The following GRM1 variants were observed in gnomAD, a reference collection of about 807,000 sequenced individuals.
GRM1 encodes metabotropic glutamate receptor 1.
A neutral mutation model predicts 90.9 loss-of-function variants in GRM1; 33 were observed. The observed-to-expected ratio is 0.36, with a 90% CI of 0.28 to 0.49. GRM1 has a LOEUF of 0.49. GRM1 is among the 20% of genes least tolerant of loss of function. The pLI is 0.99. For missense variants in GRM1, 1,190 were observed against 1,534.3 expected, an observed-to-expected ratio of 0.78 and a Z score of 3.75; for synonymous variants, 700 against 613.2, an observed-to-expected ratio of 1.14 and a Z score of -2.09.
intron 2 of GRM1, among the ~76,000 whole-genome samples, chr6:146,290,686 C>T (rs995133722): frequency 3.9e-5 from 6 of 152,116 alleles, no homozygotes; most frequent in Non-Finnish European, 4.4e-5. Flanking sequence ...CATGCCTGTC[C>T]GACTATTGTA....
chr6:146,285,043 C>T (rs903988363), intron 2 of GRM1, among the ~76,000 whole-genome samples: 1 of 152,174 alleles, frequency 6.6e-6, no homozygotes, highest in African/African-American at 2.4e-5. Context: ...CTTCTTTCCT[C>T]CTTTCATACA....
chr6:146,297,349 A>G (rs1267443377), intron 2 of GRM1, among the ~76,000 whole-genome samples: 1 of 151,938 alleles, frequency 6.6e-6, no homozygotes, highest in South Asian at 2.1e-4. Flanking sequence ...TTTAGTAGAG[A>G]TGGGGTTTCA....
intron 7 of GRM1, among the ~76,000 whole-genome samples, chr6:146,428,206 G>A (rs943899866): frequency 1.3e-5 from 2 of 152,152 alleles, no homozygotes; most frequent in African/African-American, 4.8e-5. Context: ...GATATTTTTA[G>A]CCATGGTTGT....
At chr6:146,165,595 C>T (rs980868681) in intron 2 of GRM1, among the ~76,000 whole-genome samples, 2 of 152,110 alleles carry the variant, frequency 1.3e-5, no homozygotes, top group African/African-American at 4.8e-5. Flanking sequence ...TTGGCCTTTT[C>T]TCAGCTCCCA....
chr6:146,158,593 G>A (rs534754506), intron 1 of GRM1, among the ~76,000 whole-genome samples: 36 of 152,288 alleles, frequency 2.4e-4, no homozygotes, highest in African/African-American at 7.7e-4. Flanking sequence ...CAAACTTCGG[G>A]AGAGGAATAG....
rs117172964 is a variant in GRM1, at chr6:146,335,459, G to C, written c.1187-16791G>C. ...CTGAATGCCTCCCTAGGAAAGTTGT[G>C]TTCACTGTTGAGATGTGTTTTATTT... On this transcript the variant is annotated intron_variant, in intron 3 of 7. Transcript: ENST00000282753. Among the ~76,000 whole-genome samples, 846 of 152,230 alleles carry C rather than the reference G, an allele frequency of 5.6e-3. 4 individuals carry two copies. The highest frequency in any genetic ancestry group is 8.5e-3 in the Non-Finnish European group (578 of 68,016).
intron 5 of GRM1, among the ~76,000 whole-genome samples, chr6:146,363,044 A>G (rs1218782992): frequency 6.6e-6 from 1 of 152,242 alleles, no homozygotes; most frequent in Non-Finnish European, 1.5e-5. Flanking sequence ...TAATGCTGCT[A>G]CAGGAGTTCG....
intron 1 of GRM1, among the ~76,000 whole-genome samples, chr6:146,085,975 A>T (rs1011255213): frequency 6.6e-6 from 1 of 152,160 alleles, no homozygotes; most frequent in Non-Finnish European, 1.5e-5. Context: ...TTGTGCTGGC[A>T]TACTCTATGT....
chr6:146,116,157 A>G lies in GRM1; in HGVS notation c.701-43191A>G, dbSNP rs371846443. On this transcript the variant is annotated intron_variant, in intron 1 of 7. Transcript: ENST00000282753. ...ATAATAGTAGAGACAGTGTTTAGCT[A>G]TGTTGGCCAGGCTGGTCTTGAACTC... 5.5e-4 allele frequency among the ~76,000 whole-genome samples: 84 copies of G among 152,200 alleles called. 3 individuals are homozygous for G. The South Asian group carries it at 0.016, about 29-fold the overall frequency.
chr6:146,229,198 G>A lies in GRM1; in HGVS notation c.950+69601G>A, dbSNP rs546564517. Among the ~76,000 whole-genome samples, 29 of 151,756 alleles carry A rather than the reference G, an allele frequency of 1.9e-4. No individual in the cohort carries two copies. The South Asian group carries it at 5.5e-3, about 29-fold the overall frequency. On this transcript the variant is annotated intron_variant, in intron 2 of 7. Coordinates refer to ENST00000282753, the MANE Select transcript of GRM1 (RefSeq NM_001278064.2). ...GGGGTTTCTCCATGTTGGTCAGGCT[G>A]GTATTGAACTCCCGACCTCAGGTGA...
intron 2 of GRM1, among the ~76,000 whole-genome samples, chr6:146,173,410 G>GAAAAAAAAAAAAAAAA (rs1182745924): frequency 1.2e-5 from 1 of 84,106 alleles, no homozygotes. Context: ...GAAAAGAAAA[G>GAAAAAAAAAAAAAAAA]AAAAAAAAAA....
At chr6:146,203,024 T>C (rs1779362528) in intron 2 of GRM1, among the ~76,000 whole-genome samples, 1 of 151,754 alleles carries the variant, frequency 6.6e-6, no homozygotes, top group Admixed American at 6.6e-5. Flanking sequence ...TGAAACCCCG[T>C]CTCACTAAAA....
chr6:146,167,412 A>G (rs569648820), intron 2 of GRM1, among the ~76,000 whole-genome samples: 3 of 152,238 alleles, frequency 2.0e-5, no homozygotes, highest in African/African-American at 4.8e-5. Flanking sequence ...TCTAGGGGTG[A>G]GATTATGGGT....
intron 1 of GRM1, among the ~76,000 whole-genome samples, chr6:146,150,418 T>A (rs971433504): frequency 1.4e-4 from 21 of 152,194 alleles, no homozygotes; most frequent in African/African-American, 4.6e-4. Context: ...TTTAAAAAAA[T>A]TATTTTTATT....
In GRM1 at chr6:146,135,529, T is replaced by A. The variant is rs115465941; in HGVS notation, c.701-23819T>A. 4.9e-3 allele frequency among the ~76,000 whole-genome samples: 749 copies of A among 152,306 alleles called. 8 individuals are homozygous for A. The highest frequency in any genetic ancestry group is 0.017 in the African/African-American group (699 of 41,560). On this transcript the variant is annotated intron_variant, in intron 1 of 7. Transcript: ENST00000282753. ...GATGTCGGAGGTTACTCAGTGTAACTCCTTCACTTCACATATAAGAACACT... is the reference window on the plus strand; with the variant it reads ...GATGTCGGAGGTTACTCAGTGTAACACCTTCACTTCACATATAAGAACACT...
At chr6:146,332,211 G>A (rs1472663691) in intron 3 of GRM1, among the ~76,000 whole-genome samples, 1 of 152,108 alleles carries the variant, frequency 6.6e-6, no homozygotes, top group East Asian at 1.9e-4. Flanking sequence ...AAATTATCAT[G>A]ATGTTAGCAG....
chr6:146,128,288 T>C (rs1231309651), intron 1 of GRM1, among the ~76,000 whole-genome samples: 1 of 152,178 alleles, frequency 6.6e-6, no homozygotes, highest in Non-Finnish European at 1.5e-5. Flanking sequence ...GGGCCATCTT[T>C]AGAAAATGCA....
intron 4 of GRM1, among the ~76,000 whole-genome samples, chr6:146,354,895 A>G (rs564138820): frequency 2.0e-5 from 3 of 152,152 alleles, no homozygotes; most frequent in Non-Finnish European, 4.4e-5. Flanking sequence ...TTTTCCCTGG[A>G]TATTTTTCCA....
chr6:146,308,977 C>T (rs995655382), intron 3 of GRM1, among the ~76,000 whole-genome samples: 6 of 152,064 alleles, frequency 3.9e-5, no homozygotes, highest in African/African-American at 1.4e-4. Context: ...TGCTTATTCA[C>T]AATTTTCAAA....
Sources: gnomAD v4.1 joint callset for allele counts (sites outside exome capture counted in the v4.1 genomes callset) on GRCh38, gnomAD v4.1.1 for gene constraint, MANE v1.5 for transcripts, NCBI Gene and HGNC (gene_info 2026-07-23, HGNC 2026-07-21) for gene names.